Variants in SF3A3 observed in about 807,000 individuals in gnomAD.
SF3A3 encodes splicing factor 3a subunit 3, also known as SAP 61.
SF3A3 carries 9 observed loss-of-function variants against 85.8 expected under a neutral mutation model. The observed-to-expected ratio is 0.10, with a 90% confidence interval of 0.06 to 0.18. The LOEUF is 0.18. Ranked by LOEUF, SF3A3 falls within the 10% of genes least tolerant of loss-of-function variation. The pLI is 1.00. For synonymous variants in SF3A3, 195 were observed against 204.4 expected (o/e 0.95, Z 0.39); for missense variants, 306 against 593.3 (o/e 0.52, Z 5.03).
At chr1:37,963,872 T>TAAAAAA (rs771447218) in intron 15 of SF3A3, among the ~76,000 whole-genome samples, 1 of 81,816 alleles carries the variant, frequency 1.2e-5, no homozygotes, top group African/African-American at 5.5e-5. Flanking sequence ...ATGATATTCT[T>TAAAAAA]AAAAAAAAAA....
At chr1:37,981,268 C>A (rs958832087) in intron 7 of SF3A3, among the ~76,000 whole-genome samples, 6 of 152,112 alleles carry the variant, frequency 3.9e-5, no homozygotes, top group Non-Finnish European at 4.4e-5. Context: ...GTCTTAATTA[C>A]TTTGCACATA....
At chr1:37,975,272 T>C (rs1646371680) in intron 12 of SF3A3, among the ~76,000 whole-genome samples, 2 of 152,114 alleles carry the variant, frequency 1.3e-5, no homozygotes, top group Non-Finnish European at 1.5e-5. Context: ...CTCCAGCACT[T>C]TGGGAGGCCA....
In SF3A3 at chr1:37,990,004, A is replaced by G; in HGVS notation, c.-39T>C. The G allele has an allele frequency of 6.7e-7, 1 of 1,487,370 alleles. No homozygotes were observed. Among genetic ancestry groups the G allele is most frequent in the Non-Finnish European group, 9.3e-7 (1 of 1,074,014 alleles). The allele number at this position is 1,487,370 out of a possible 1,614,324, so 92.1% of individuals were successfully genotyped here. A position where few individuals can be genotyped will look rare whatever the true frequency, so the allele number is the denominator to read the frequency against. ...CGGCTTCTCAATTCAGACCACCAACACGGCCGGAAGCAACTCCTGCCGCCC... is the reference window on the plus strand; with the variant it reads ...CGGCTTCTCAATTCAGACCACCAACGCGGCCGGAAGCAACTCCTGCCGCCC... On this transcript the variant is annotated 5_prime_UTR_variant, in exon 1 of 17. Transcript: ENST00000373019.
intron 12 of SF3A3, among the ~76,000 whole-genome samples, chr1:37,974,670 G>C (rs1234194744): frequency 6.6e-6 from 1 of 152,060 alleles, no homozygotes; most frequent in Non-Finnish European, 1.5e-5. Context: ...TTTGCTACCA[G>C]GTTTATCTGT....
In SF3A3 at chr1:37,990,019, T is replaced by G; in HGVS notation, c.-54A>C. On this transcript the variant is annotated 5_prime_UTR_variant, in exon 1 of 17. Coordinates refer to ENST00000373019, the MANE Select transcript of SF3A3 (RefSeq NM_006802.4). ...GACCACCAACACGGCCGGAAGCAACTCCTGCCGCCCAGCGCGCCTGAGTCC... is the reference window on the plus strand; with the variant it reads ...GACCACCAACACGGCCGGAAGCAACGCCTGCCGCCCAGCGCGCCTGAGTCC... The G allele has an allele frequency of 7.3e-7, 1 of 1,372,480 alleles. No homozygotes were observed. Among genetic ancestry groups the G allele is most frequent in the Admixed American group, 1.7e-5 (1 of 59,372 alleles). 85.0% of individuals were successfully genotyped at this position (1,372,480 alleles called of 1,614,324 possible).
intron 6 of SF3A3, among the ~76,000 whole-genome samples, chr1:37,983,256 TAAA>T (rs71057113): frequency 0.047 from 5,670 of 121,500 alleles, 302 homozygotes; most frequent in African/African-American, 0.14. Context: ...GGTATTTATT[TAAA>T]AAAAAAAAAA....
intron 14 of SF3A3, 97 bp downstream of exon 14, chr1:37,969,257 G>C (rs1173901499): frequency 1.2e-6 from 1 of 863,838 alleles, no homozygotes; most frequent in Non-Finnish European, 1.9e-6. Context: ...CTTCAGCTCT[G>C]GACACCAGTG....
At chr1:37,981,893 G>A (rs1026119226) in intron 6 of SF3A3, 82 bp from the exon 7 acceptor site, 3 of 807,628 alleles carry the variant, frequency 3.7e-6, no homozygotes, top group Non-Finnish European at 4.0e-6. Flanking sequence ...CAATAAGTGA[G>A]ATCAAAATTG....
intron 12 of SF3A3, among the ~76,000 whole-genome samples, chr1:37,972,629 A>G (rs528519011): frequency 8.1e-4 from 124 of 152,310 alleles, no homozygotes; most frequent in African/African-American, 2.7e-3. Context: ...ACTATACTAC[A>G]AGGCTACAGT....
intron 7 of SF3A3, 133 bp downstream of exon 7, chr1:37,981,596 C>T (rs975228412): frequency 4.3e-6 from 3 of 692,032 alleles, no homozygotes; most frequent in African/African-American, 3.6e-5. Flanking sequence ...ATTCATAACC[C>T]CATCCTCCAA....
At chr1:37,989,749 G>T in intron 1 of SF3A3, 121 bp downstream of exon 1, 2 of 1,209,060 alleles carry the variant, frequency 1.7e-6, no homozygotes, top group Non-Finnish European at 2.4e-6. Context: ...CAAGACCGGA[G>T]CTCGGAGAGG....
chr1:37,963,742 G>C (rs948023892), intron 15 of SF3A3, among the ~76,000 whole-genome samples: 58 of 151,058 alleles, frequency 3.8e-4, no homozygotes, highest in Admixed American at 7.2e-4. Flanking sequence ...ATTTTTAGTA[G>C]AGACGGGGTT....
At chr1:37,963,087 CAA>C (rs112449841) in intron 15 of SF3A3, among the ~76,000 whole-genome samples, 3 of 116,114 alleles carry the variant, frequency 2.6e-5, no homozygotes, top group Non-Finnish European at 3.7e-5. Context: ...GACTCCGTCT[CAA>C]AAAAAAAAAA....
chr1:37,967,249 T>G (rs1259484978), intron 15 of SF3A3, among the ~76,000 whole-genome samples: 2 of 136,100 alleles, frequency 1.5e-5, no homozygotes, highest in East Asian at 4.9e-4. Flanking sequence ...GTGAGACTCG[T>G]CTCAGAAACA....
intron 14 of SF3A3, among the ~76,000 whole-genome samples, chr1:37,968,904 C>A (rs193174831): frequency 1.3e-5 from 2 of 152,146 alleles, no homozygotes; most frequent in African/African-American, 4.8e-5. Context: ...CCGGACAATA[C>A]CCTGTCTCAA....
At chr1:37,962,801 T>C (rs57334440) in intron 15 of SF3A3, among the ~76,000 whole-genome samples, 70 of 143,928 alleles carry the variant, frequency 4.9e-4, no homozygotes, top group African/African-American at 1.7e-3. Context: ...AAAAAATCAC[T>C]GCGGCCGGGT....
intron 7 of SF3A3, 106 bp downstream of exon 7, chr1:37,981,623 C>A (rs916031553): frequency 1.5e-5 from 11 of 750,400 alleles, no homozygotes; most frequent in Non-Finnish European, 2.6e-5. Context: ...TGGAAGTATG[C>A]CTTCATGTAT....
At chr1:37,980,772 T>C (rs767570928) in intron 7 of SF3A3, 48 bp from the exon 8 acceptor site, 1 of 1,524,472 alleles carries the variant, frequency 6.6e-7, no homozygotes, top group South Asian at 1.3e-5. Context: ...GTTTCTATTT[T>C]TGGTATCTTG....
chr1:37,968,606 T>C (rs1376837646), intron 14 of SF3A3, among the ~76,000 whole-genome samples: 3 of 152,214 alleles, frequency 2.0e-5, no homozygotes, highest in Non-Finnish European at 4.4e-5. Flanking sequence ...ACTGACATGA[T>C]GGCAGTTTTA....
Sources: allele counts gnomAD v4.1 joint callset (sites outside exome capture counted in the v4.1 genomes callset), GRCh38; gene constraint gnomAD v4.1.1; transcripts MANE v1.5; gene names NCBI Gene and HGNC (gene_info 2026-07-23, HGNC 2026-07-21).